NEGR1: variants seen among roughly 807,000 people sequenced by gnomAD.
The protein encoded by NEGR1 is IgLON family member 4.
NEGR1 carries 10 observed loss-of-function variants against 40.9 expected under a neutral mutation model. The observed-to-expected ratio is 0.24, with a 90% confidence interval of 0.15 to 0.42. The LOEUF is 0.42. Ranked by LOEUF, NEGR1 falls within the 10% of genes least tolerant of loss-of-function variation. The pLI is 1.00. For missense variants in NEGR1, 352 were observed against 438.9 expected (o/e 0.80, Z 1.77); for synonymous variants, 185 against 166.8 (o/e 1.11, Z -0.84).
At chr1:72,097,416 C>T (rs907717097) in intron 1 of NEGR1, among the ~76,000 whole-genome samples, 2 of 152,146 alleles carry the variant, frequency 1.3e-5, no homozygotes, top group African/African-American at 4.8e-5. Flanking sequence ...GAAAGACTGC[C>T]AGGCTTTCCA....
chr1:72,087,430 C>CAA (rs1358505128), intron 1 of NEGR1, among the ~76,000 whole-genome samples: 8 of 142,864 alleles, frequency 5.6e-5, no homozygotes, highest in African/African-American at 1.0e-4. Context: ...GATGCTGTCT[C>CAA]AAAAAAAAAA....
At chr1:71,699,378 T>C (rs772922086) in intron 3 of NEGR1, among the ~76,000 whole-genome samples, 3 of 151,892 alleles carry the variant, frequency 2.0e-5, no homozygotes, top group Non-Finnish European at 2.9e-5. Context: ...TTGAAACCTT[T>C]AGTGTTTAGA....
intron 1 of NEGR1, among the ~76,000 whole-genome samples, chr1:72,252,503 T>C (rs1655136542): frequency 1.3e-5 from 2 of 152,248 alleles, no homozygotes; most frequent in African/African-American, 4.8e-5. Flanking sequence ...TTTGGTTTGA[T>C]AAACTCACAT....
chr1:72,113,240 CT>C (rs1255400778), intron 1 of NEGR1, among the ~76,000 whole-genome samples: 7 of 151,608 alleles, frequency 4.6e-5, no homozygotes, highest in African/African-American at 9.7e-5. Context: ...GACTCTAAAA[CT>C]GTGAATCAGC....
At chr1:72,213,371 C>T (rs762837137) in intron 1 of NEGR1, among the ~76,000 whole-genome samples, 15 of 151,714 alleles carry the variant, frequency 9.9e-5, no homozygotes, top group Non-Finnish European at 2.1e-4. Flanking sequence ...ACTTTTTGTT[C>T]TTCTCAACAA....
intron 1 of NEGR1, among the ~76,000 whole-genome samples, chr1:72,108,404 A>T (rs1022120722): frequency 3.3e-5 from 5 of 151,558 alleles, no homozygotes; most frequent in Non-Finnish European, 7.4e-5. Flanking sequence ...GAATCATACC[A>T]TTACACTGGC....
At chr1:71,817,488 A>T (rs867448999) in intron 2 of NEGR1, among the ~76,000 whole-genome samples, 2 of 152,048 alleles carry the variant, frequency 1.3e-5, no homozygotes, top group Admixed American at 1.3e-4. Flanking sequence ...CCTAATAAAC[A>T]TCTTACATGC....
chr1:71,559,009 C>CTGTGTGTGTGTGTG (rs573407911), intron 6 of NEGR1, among the ~76,000 whole-genome samples: 1 of 120,090 alleles, frequency 8.3e-6, no homozygotes, highest in African/African-American at 3.0e-5. Flanking sequence ...TTTATCTTCT[C>CTGTGTGTGTGTGTG]TGTGTGTGTG....
intron 1 of NEGR1, among the ~76,000 whole-genome samples, chr1:71,962,736 TG>T (rs1204175944): frequency 2.0e-5 from 3 of 151,746 alleles, no homozygotes; most frequent in African/African-American, 2.4e-5. Flanking sequence ...TTCAAAAATT[TG>T]GACTTAGACT....
At chr1:71,988,319 T>C (rs563500312) in intron 1 of NEGR1, among the ~76,000 whole-genome samples, 45 of 151,900 alleles carry the variant, frequency 3.0e-4, no homozygotes, top group East Asian at 1.9e-3. Flanking sequence ...GCGGGTGGAT[T>C]ATGAGGTCAG....
intron 2 of NEGR1, among the ~76,000 whole-genome samples, chr1:71,864,283 G>C (rs1660048317): frequency 6.6e-6 from 1 of 152,064 alleles, no homozygotes; most frequent in Non-Finnish European, 1.5e-5. Context: ...TGCAGTTCTT[G>C]GTCACTGATG....
At chr1:72,184,300 G>A (rs1412299100) in intron 1 of NEGR1, among the ~76,000 whole-genome samples, 2 of 152,106 alleles carry the variant, frequency 1.3e-5, no homozygotes, top group Non-Finnish European at 2.9e-5. Flanking sequence ...CAAAGAGGGT[G>A]TTCAGACTGC....
intron 1 of NEGR1, among the ~76,000 whole-genome samples, chr1:72,191,485 G>T (rs1652819298): frequency 6.6e-6 from 1 of 151,656 alleles, no homozygotes; most frequent in African/African-American, 2.4e-5. Context: ...ACTTCAACTG[G>T]TTTTTGTTAA....
At chr1:71,914,445 C>G (rs1661514875) in intron 2 of NEGR1, among the ~76,000 whole-genome samples, 1 of 152,216 alleles carries the variant, frequency 6.6e-6, no homozygotes, top group Admixed American at 6.5e-5. Flanking sequence ...GGAAATAAGT[C>G]TAAGCCCAGG....
At chr1:71,726,268 G>T (rs1369401716) in intron 3 of NEGR1, among the ~76,000 whole-genome samples, 1 of 152,046 alleles carries the variant, frequency 6.6e-6, no homozygotes, top group African/African-American at 2.4e-5. Context: ...GTTTGAGAGT[G>T]AGTAAGAAAA....
At chr1:71,609,993 C>A (rs1443943685) in intron 5 of NEGR1, among the ~76,000 whole-genome samples, 1 of 152,212 alleles carries the variant, frequency 6.6e-6, no homozygotes, top group South Asian at 2.1e-4. Flanking sequence ...TCTCTCCTGC[C>A]GCCTAGTGAA....
At chr1:71,756,407 C>CAAAAAAAAAAAAAA (rs869043335) in intron 3 of NEGR1, among the ~76,000 whole-genome samples, 1 of 45,748 alleles carries the variant, frequency 2.2e-5, no homozygotes, top group Non-Finnish European at 4.3e-5. Context: ...AAAACAAAAA[C>CAAAAAAAAAAAAAA]AAACAAAAAA....
At chr1:71,886,620 A>C (rs1404056180) in intron 2 of NEGR1, among the ~76,000 whole-genome samples, 3 of 152,164 alleles carry the variant, frequency 2.0e-5, no homozygotes, top group Non-Finnish European at 4.4e-5. Context: ...TGAAACAGTA[A>C]TATAGGTGGT....
chr1:71,903,342 GTTC>G (rs1661191699), intron 2 of NEGR1, among the ~76,000 whole-genome samples: 1 of 151,896 alleles, frequency 6.6e-6, no homozygotes, highest in Non-Finnish European at 1.5e-5. Flanking sequence ...CTATCACAAA[GTTC>G]TTCTGCTGTC....
Sources: gnomAD v4.1 joint callset for allele counts (sites outside exome capture counted in the v4.1 genomes callset) on GRCh38, gnomAD v4.1.1 for gene constraint, MANE v1.5 for transcripts, NCBI Gene and HGNC (gene_info 2026-07-23, HGNC 2026-07-21) for gene names.